The following RALGAPA1 variants were observed in gnomAD, a reference collection of about 807,000 sequenced individuals.
The protein encoded by RALGAPA1 is Ral GTPase activating protein catalytic subunit alpha 1, also known as ral GTPase-activating protein subunit alpha-1.
RALGAPA1 carries 52 observed loss-of-function variants against 269.6 expected under a neutral mutation model. That is an observed-to-expected ratio of 0.19 (90% CI 0.15 to 0.24). RALGAPA1 has a LOEUF of 0.24. Ranked by LOEUF, RALGAPA1 falls within the 10% of genes least tolerant of loss-of-function variation. The probability of loss-of-function intolerance (pLI) is 1.00; values close to 1 mark genes in which losing one functional copy is unlikely to be tolerated. For synonymous variants in RALGAPA1, 817 were observed against 1,008.3 expected (o/e 0.81, Z 3.60); for missense variants, 1,917 against 3,013.9 (o/e 0.64, Z 8.52).
intron 1 of RALGAPA1, among the ~76,000 whole-genome samples, chr14:35,797,867 A>G (rs2076692765): frequency 6.7e-6 from 1 of 149,716 alleles, no homozygotes; most frequent in Non-Finnish European, 1.5e-5. Context: ...AATAGCTAAA[A>G]GAGACTTTTT....
intron 37 of RALGAPA1, among the ~76,000 whole-genome samples, chr14:35,578,517 T>C (rs921530852): frequency 3.3e-5 from 5 of 152,204 alleles, no homozygotes; most frequent in Non-Finnish European, 7.4e-5. Context: ...TCACACATAT[T>C]TTCCTACATT....
At position 35,689,997 on chromosome 14, in the gene RALGAPA1, T is replaced by A; in HGVS notation, c.2414A>T (p.Asp805Val). The part of the protein sequence containing the change: ...TPLSDELSDI[D>V]DAQILPRSTR... Reference sequence around the variant, plus strand: ...TGAGCGGGGAAGTATTTGAGCATCATCAATATCTGTAAAAGAAAAAAAAAT... The same window carrying A: ...TGAGCGGGGAAGTATTTGAGCATCAACAATATCTGTAAAAGAAAAAAAAAT... Residue 805 changes from aspartate (D) to valine (V), a missense_variant, in exon 18 of 42, where the codon GAT becomes GTT. Asp to Val is a radical substitution (Grantham distance 152). Around this residue, in one of 11 missense-constraint regions of RALGAPA1, gnomAD observed 125 missense variants for 155.7 expected, o/e 0.80. Transcript: ENST00000680220. 6.4e-7 allele frequency: 1 copy of A among 1,566,118 alleles called. No individual in the cohort carries two copies. The highest frequency in any genetic ancestry group is 1.2e-5 in the South Asian group (1 of 83,298).
intron 4 of RALGAPA1, among the ~76,000 whole-genome samples, chr14:35,763,449 T>A (rs2073886152): frequency 6.6e-5 from 10 of 152,126 alleles, no homozygotes; most frequent in Admixed American, 5.2e-4. Flanking sequence ...CAAAAAATAT[T>A]TTTATATTAT....
Position 35,635,450 on chromosome 14 carries a change from G to A in RALGAPA1, c.5811+14C>T, listed in dbSNP as rs201101408. Reference sequence around the variant, plus strand: ...TCTTGGTTACCAAATAAATAATAAAGCAAGGAAGTTTACCTTATAAATGCA... The same window carrying A: ...TCTTGGTTACCAAATAAATAATAAAACAAGGAAGTTTACCTTATAAATGCA... On this transcript the variant is annotated intron_variant, in intron 32 of 41. Transcript: ENST00000680220. 2 of 1,574,222 alleles carry A rather than the reference G, an allele frequency of 1.3e-6. No homozygotes were observed. Among genetic ancestry groups the A allele is most frequent in the Non-Finnish European group, 1.7e-6 (2 of 1,163,628 alleles).
intron 17 of RALGAPA1, among the ~76,000 whole-genome samples, chr14:35,698,884 TTC>T (rs2067114222): frequency 6.6e-6 from 1 of 152,202 alleles, no homozygotes; most frequent in East Asian, 1.9e-4. Context: ...AATATCCTAA[TTC>T]TTTATTTGTA....
chr14:35,684,819 C>T, intron 20 of RALGAPA1, 110 bp downstream of exon 20: 1 of 1,117,140 alleles, frequency 9.0e-7, no homozygotes, highest in Non-Finnish European at 1.2e-6. Flanking sequence ...GTGGGAGCCA[C>T]TGCCTAAGTA....
At chr14:35,669,859 G>A (rs2064257888) in intron 26 of RALGAPA1, among the ~76,000 whole-genome samples, 1 of 152,294 alleles carries the variant, frequency 6.6e-6, no homozygotes, top group South Asian at 2.1e-4. Context: ...CGCAAGGGGA[G>A]GGGGAAGTTT....
At chr14:35,711,018 T>C (rs1419071607) in intron 16 of RALGAPA1, among the ~76,000 whole-genome samples, 1 of 152,248 alleles carries the variant, frequency 6.6e-6, no homozygotes, top group Admixed American at 6.5e-5. Flanking sequence ...ATTTGTTAAA[T>C]GACACGACTG....
intron 39 of RALGAPA1, among the ~76,000 whole-genome samples, chr14:35,563,845 CTT>C (rs775047719): frequency 1.1e-4 from 16 of 152,220 alleles, no homozygotes; most frequent in Non-Finnish European, 1.9e-4. Flanking sequence ...GAGTTTCTCT[CTT>C]GTCGCCCAGG....
chr14:35,642,217 A>T (rs1052229176), intron 31 of RALGAPA1, among the ~76,000 whole-genome samples: 3 of 152,194 alleles, frequency 2.0e-5, no homozygotes, highest in Admixed American at 2.0e-4. Flanking sequence ...CTACAAGCAC[A>T]GGCAACCAAA....
Position 35,674,663 on chromosome 14 carries a change from A to G in RALGAPA1, c.4671T>C (p.Gly1557=), listed in dbSNP as rs755462521. The stretch of plus-strand genomic sequence containing the variant: ...CATCAGCATGCCATCCAGTCAGAGT[A>G]CCTCCTGCCATCACACTACAACATT... ...PSECCSVMAG[G]TLTGWHADVA... Residue 1557 remains glycine, a synonymous_variant, in exon 23 of 42, where the codon GGT becomes GGC. Coordinates refer to ENST00000680220, the MANE Select transcript of RALGAPA1 (RefSeq NM_001346249.2). 3.8e-6 allele frequency: 6 copies of G among 1,566,176 alleles called. No individual in the cohort carries two copies. Among genetic ancestry groups the G allele is most frequent in the Non-Finnish European group, 5.3e-6 (6 of 1,139,384 alleles).
At chr14:35,586,867 T>C (rs1566754253) in intron 37 of RALGAPA1, among the ~76,000 whole-genome samples, 1 of 152,246 alleles carries the variant, frequency 6.6e-6, no homozygotes, top group African/African-American at 2.4e-5. Flanking sequence ...TTTGCCAGTA[T>C]TTTATTGAAG....
chr14:35,721,477 A>C (rs558097210), intron 16 of RALGAPA1, among the ~76,000 whole-genome samples: 80 of 152,344 alleles, frequency 5.3e-4, no homozygotes, highest in African/African-American at 1.9e-3. Flanking sequence ...TAAACCACAT[A>C]AAAATAATGT....
At chr14:35,598,434 T>A (rs1594757663) in intron 36 of RALGAPA1, among the ~76,000 whole-genome samples, 2 of 150,868 alleles carry the variant, frequency 1.3e-5, no homozygotes, top group South Asian at 2.1e-4. Context: ...TTATTTATTT[T>A]TTGAGATGGA....
chr14:35,612,685 C>T (rs1402020665), intron 35 of RALGAPA1, among the ~76,000 whole-genome samples: 1 of 151,740 alleles, frequency 6.6e-6, no homozygotes, highest in East Asian at 2.0e-4. Flanking sequence ...ACTACAGGCG[C>T]CCGCCACCAC....
At chr14:35,554,564 TC>T (rs927261005) in intron 39 of RALGAPA1, among the ~76,000 whole-genome samples, 18 of 151,682 alleles carry the variant, frequency 1.2e-4, no homozygotes, top group African/African-American at 4.1e-4. Context: ...GCCGGGATGG[TC>T]TCGATCTCCT....
chr14:35,791,539 G>A (rs1206462995), intron 1 of RALGAPA1, among the ~76,000 whole-genome samples: 5 of 151,784 alleles, frequency 3.3e-5, no homozygotes, highest in Non-Finnish European at 7.4e-5. Context: ...CCTGGGAGGC[G>A]GAGGTTGCAG....
At chr14:35,542,861 A>C (rs1052773357) in intron 41 of RALGAPA1, among the ~76,000 whole-genome samples, 3 of 152,230 alleles carry the variant, frequency 2.0e-5, no homozygotes, top group African/African-American at 7.2e-5. Context: ...GATTACAATA[A>C]ACTATTATTA....
intron 35 of RALGAPA1, among the ~76,000 whole-genome samples, chr14:35,622,126 A>G (rs1293570001): frequency 6.6e-6 from 1 of 152,240 alleles, no homozygotes; most frequent in East Asian, 1.9e-4. Flanking sequence ...AATGTCCATC[A>G]ATGATAGACT....
Sources: allele counts gnomAD v4.1 joint callset (sites outside exome capture counted in the v4.1 genomes callset), GRCh38; gene constraint gnomAD v4.1.1; regional missense constraint gnomAD v4.1.1; transcripts MANE v1.5; gene names NCBI Gene and HGNC (gene_info 2026-07-23, HGNC 2026-07-21).